COLQ: variants seen among roughly 807,000 people sequenced by gnomAD.
COLQ encodes the protein acetylcholinesterase collagenic tail peptide.
In COLQ, 48 loss-of-function variants were observed where a neutral mutation model predicts 69.0. The ratio of observed to expected loss-of-function variants is 0.70; its 90% CI spans 0.55 to 0.88. The LOEUF is 0.88. Among genes scored for constraint, COLQ ranks in the 40% least tolerant of loss-of-function variants. The pLI, the probability that COLQ is intolerant of heterozygous loss-of-function variation, is 0.00. For synonymous variants in COLQ, 217 were observed against 211.2 expected, an observed-to-expected ratio of 1.03 and a Z score of -0.24; for missense variants, 618 against 594.6, an observed-to-expected ratio of 1.04 and a Z score of -0.41.
chr3:15,458,135 G>C (rs2062050437), intron 13 of COLQ, 51 bp downstream of exon 13: 1 of 1,604,878 alleles, frequency 6.2e-7, no homozygotes, highest in Non-Finnish European at 8.5e-7. Flanking sequence ...TAAGGATCAG[G>C]TGAGAGGTCC....
At chr3:15,468,766 A>T (rs1199294982) in intron 11 of COLQ, among the ~76,000 whole-genome samples, 27 of 152,158 alleles carry the variant, frequency 1.8e-4, no homozygotes, top group Admixed American at 1.8e-3. Flanking sequence ...CTGGATTCTA[A>T]TCCTGGCTTT....
Position 15,451,446 on chromosome 3 carries a change from T to C in COLQ, c.*198A>G. 1 of 702,376 alleles carries C rather than the reference T, an allele frequency of 1.4e-6. No homozygotes were observed. The highest frequency in any genetic ancestry group is 2.6e-6 in the Non-Finnish European group (1 of 380,048). 43.5% of individuals were successfully genotyped at this position (702,376 alleles called of 1,614,324 possible). On this transcript the variant is annotated 3_prime_UTR_variant, in exon 17 of 17. Transcript: ENST00000383788. ...GGCATGTGGAAGGTTTTCCAGTACCTTGGATTAAGACAGGATGCAGTGGTC... is the reference window on the plus strand; with the variant it reads ...GGCATGTGGAAGGTTTTCCAGTACCCTGGATTAAGACAGGATGCAGTGGTC...
At position 15,468,321 on chromosome 3, in the gene COLQ, G is replaced by GTTTT. The variant is rs540716062; in HGVS notation, c.718-1888_718-1885dup. On this transcript the variant is annotated intron_variant, in intron 11 of 16. Coordinates refer to ENST00000383788, the MANE Select transcript of COLQ (RefSeq NM_005677.4). ...AGGAAATTGTTTCTCAGTTACTGAAGTTTTTTTTTTTTTTTTTTTTTTTTT... is the reference window on the plus strand; with the variant it reads ...AGGAAATTGTTTCTCAGTTACTGAAGTTTTTTTTTTTTTTTTTTTTTTTTTTTTT... Among the ~76,000 whole-genome samples the GTTTT allele has an allele frequency of 8.4e-4, 60 of 71,310 alleles. 9 individuals are homozygous for GTTTT. The highest frequency in any genetic ancestry group is 3.0e-3 in the South Asian group (4 of 1,332). 46.8% of individuals were successfully genotyped at this position (71,310 alleles called of 152,430 possible).
chr3:15,496,592 A>G (rs536626904), intron 1 of COLQ, among the ~76,000 whole-genome samples: 9 of 152,348 alleles, frequency 5.9e-5, no homozygotes, highest in Non-Finnish European at 1.3e-4. Flanking sequence ...GAAACCTGGG[A>G]GCAGCACGTG....
chr3:15,520,682 A>G (rs1326069610), intron 1 of COLQ, among the ~76,000 whole-genome samples: 1 of 152,172 alleles, frequency 6.6e-6, no homozygotes, highest in Non-Finnish European at 1.5e-5. Context: ...GTTTCCTCAG[A>G]AAGGTTTAAA....
In COLQ at chr3:15,456,519, A is replaced by C. The variant is rs886108080; in HGVS notation, c.1015T>G (p.Phe339Val). 1.2e-6 allele frequency: 2 copies of C among 1,614,098 alleles called. No homozygotes were observed. The highest frequency in any genetic ancestry group is 1.3e-5 in the African/African-American group (1 of 74,938). The part of the protein sequence containing the change: ...ERLNTQNAIA[F>V]RRDQRSLYFK... The stretch of plus-strand genomic sequence containing the variant: ...TACAGAGATCTCTGGTCTCTGCGGA[A>C]GGCAATGGCGTTTTGGGTGTTCAGC... Residue 339 changes from phenylalanine (F) to valine (V), a missense_variant, in exon 14 of 17, where the codon TTC (phenylalanine) becomes GTC (valine). Phe to Val is a conservative substitution (Grantham distance 50). Coordinates refer to ENST00000383788, the MANE Select transcript of COLQ (RefSeq NM_005677.4).
At position 15,495,733 on chromosome 3, in the gene COLQ, G is replaced by T. The variant is rs369461176; in HGVS notation, c.107-6096C>A. 1.5e-4 allele frequency among the ~76,000 whole-genome samples: 23 copies of T among 152,276 alleles called. No homozygotes were observed. The South Asian group carries it at 4.8e-3, about 32-fold the overall frequency. On this transcript the variant is annotated intron_variant, in intron 1 of 16. Coordinates refer to ENST00000383788, the MANE Select transcript of COLQ (RefSeq NM_005677.4). ...CTTTTCTCAGTGGTAAAATAATATGGATACATTGTTCCCGAACTTGACATT... is the reference window on the plus strand; with the variant it reads ...CTTTTCTCAGTGGTAAAATAATATGTATACATTGTTCCCGAACTTGACATT...
chr3:15,502,209 G>A (rs879762535), intron 1 of COLQ, among the ~76,000 whole-genome samples: 3 of 150,130 alleles, frequency 2.0e-5, no homozygotes, highest in Non-Finnish European at 3.0e-5. Context: ...TCTGCCTCTC[G>A]GATTTAAGAG....
intron 1 of COLQ, among the ~76,000 whole-genome samples, chr3:15,507,916 T>C (rs984150190): frequency 2.6e-5 from 4 of 152,228 alleles, no homozygotes; most frequent in Admixed American, 1.3e-4. Context: ...CTTTATTATA[T>C]GGCTTGCAAA....
Position 15,488,325 on chromosome 3 carries a change from A to T in COLQ, c.220-18T>A, listed in dbSNP as rs377061037. The T allele has an allele frequency of 6.2e-7, 1 of 1,606,834 alleles. No homozygotes were observed. The highest frequency in any genetic ancestry group is 8.5e-7 in the Non-Finnish European group (1 of 1,175,034). ...GAGAGAAGCTTCAGTACAAAGCAACACAGAGTTAGAGGTCAGGCGTAGGGG... is the reference window on the plus strand; with the variant it reads ...GAGAGAAGCTTCAGTACAAAGCAACTCAGAGTTAGAGGTCAGGCGTAGGGG... On this transcript the variant is annotated intron_variant, in intron 2 of 16. Coordinates refer to ENST00000383788, the MANE Select transcript of COLQ (RefSeq NM_005677.4).
At chr3:15,511,557 A>G (rs2062984971) in intron 1 of COLQ, among the ~76,000 whole-genome samples, 1 of 152,138 alleles carries the variant, frequency 6.6e-6, no homozygotes, top group South Asian at 2.1e-4. Flanking sequence ...CACCCAACCA[A>G]TGCTGCTCCT....
At chr3:15,474,157 G>A (rs757426954) in intron 9 of COLQ, 71 bp downstream of exon 9, 8 of 1,591,546 alleles carry the variant, frequency 5.0e-6, no homozygotes, top group Admixed American at 5.0e-5. Context: ...ATCAGTCCAC[G>A]GATGGGGGTG....
chr3:15,500,884 T>C (rs959276628), intron 1 of COLQ, among the ~76,000 whole-genome samples: 2 of 152,232 alleles, frequency 1.3e-5, no homozygotes, highest in Non-Finnish European at 2.9e-5. Context: ...ACTAACTCAC[T>C]GTGTGACCTA....
At chr3:15,498,770 C>T in intron 1 of COLQ, 2 of 1,513,062 alleles carry the variant, frequency 1.3e-6, no homozygotes, top group Middle Eastern at 2.3e-4. Flanking sequence ...GTCCTGAGCT[C>T]CTGGGAGTAG....
chr3:15,451,373 G>A lies in COLQ; in HGVS notation c.*271C>T. 4.9e-6 allele frequency: 3 copies of A among 613,780 alleles called. No individual in the cohort carries two copies. The East Asian group carries it at 8.5e-5, about 17-fold the overall frequency. The allele number at this position is 613,780 out of a possible 1,614,324, so 38.0% of individuals were successfully genotyped here. A position where few individuals can be genotyped will look rare whatever the true frequency, so the allele number is the denominator to read the frequency against. On this transcript the variant is annotated 3_prime_UTR_variant, in exon 17 of 17. Coordinates refer to ENST00000383788, the MANE Select transcript of COLQ (RefSeq NM_005677.4). ...ATTCCAGAAGAGGAAGAGCATTGTA[G>A]CCGGTTGTTTGGCCAAATGGTAGCG...
intron 1 of COLQ, among the ~76,000 whole-genome samples, chr3:15,493,573 T>C (rs926808330): frequency 2.0e-5 from 3 of 152,266 alleles, no homozygotes; most frequent in Non-Finnish European, 4.4e-5. Context: ...CCATCTGCTT[T>C]GTCTGGAACA....
intron 12 of COLQ, among the ~76,000 whole-genome samples, chr3:15,464,546 T>C (rs1211011281): frequency 1.3e-5 from 2 of 152,204 alleles, no homozygotes; most frequent in African/African-American, 2.4e-5. Flanking sequence ...TCCTAGTAGG[T>C]TGGACTCTCA....
rs755160062 is a variant in COLQ, at chr3:15,521,660, G to A, written c.-35C>T. 1.6e-5 allele frequency: 26 copies of A among 1,613,614 alleles called. No homozygotes were observed. The South Asian group carries it at 2.9e-4, about 18-fold the overall frequency. ...GGTCTGGCGAGGGTCAAGTTAGAAAGGAGGCTGCTGCGGAGCCTTGCTTAT... is the reference window on the plus strand; with the variant it reads ...GGTCTGGCGAGGGTCAAGTTAGAAAAGAGGCTGCTGCGGAGCCTTGCTTAT... On this transcript the variant is annotated 5_prime_UTR_variant, in exon 1 of 17. Transcript: ENST00000383788.
Position 15,456,588 on chromosome 3 carries a change from G to C in COLQ, c.955-9C>G. ...TTGTTGACCACAAAAATCTGCCAGA[G>C]AACACACTGGTGAGGATTCCAGAAA... is the stretch of plus-strand genomic sequence containing the variant. On this transcript the variant is annotated splice_polypyrimidine_tract_variant and intron_variant, in intron 13 of 16. Transcript: ENST00000383788. The C allele has an allele frequency of 6.2e-7, 1 of 1,613,828 alleles. No individual in the cohort carries two copies. Among genetic ancestry groups the C allele is most frequent in the Non-Finnish European group, 8.5e-7 (1 of 1,180,006 alleles).
Sources: allele counts gnomAD v4.1 joint callset (sites outside exome capture counted in the v4.1 genomes callset), GRCh38; gene constraint gnomAD v4.1.1; transcripts MANE v1.5; gene names NCBI Gene and HGNC (gene_info 2026-07-23, HGNC 2026-07-21).